RTEL1: variants seen among roughly 807,000 people sequenced by gnomAD.
The protein encoded by RTEL1 is regulator of telomere length.
RTEL1 carries 86 observed loss-of-function variants against 162.2 expected under a neutral mutation model. That is an observed-to-expected ratio of 0.53 (90% CI 0.45 to 0.63). RTEL1 has a LOEUF of 0.63. Ranked by LOEUF, RTEL1 falls within the 30% of genes least tolerant of loss-of-function variation. The probability of loss-of-function intolerance (pLI) is 0.00; values close to 1 mark genes in which losing one functional copy is unlikely to be tolerated. For synonymous variants in RTEL1, 958 were observed against 717.9 expected (o/e 1.33, Z -5.35); for missense variants, 1,941 against 1,750.2 (o/e 1.11, Z -1.95).
At chr20:63,675,806 A>G (rs954391076) in intron 10 of RTEL1, among the ~76,000 whole-genome samples, 2 of 152,010 alleles carry the variant, frequency 1.3e-5, no homozygotes, top group South Asian at 2.1e-4. Context: ...GCCTCTTTCC[A>G]TCCTTCGCTT....
At chr20:63,663,109 G>A in intron 6 of RTEL1, 1 of 601,736 alleles carries the variant, frequency 1.7e-6, no homozygotes, top group Non-Finnish European at 3.0e-6. Flanking sequence ...GACTGCCTCT[G>A]GCTGGTGCCT....
chr20:63,671,612 G>A, intron 8 of RTEL1, among the ~76,000 whole-genome samples: 1 of 151,298 alleles, frequency 6.6e-6, no homozygotes, highest in Non-Finnish European at 1.5e-5. Flanking sequence ...CTCCCGAGTA[G>A]CTGGGACTAC....
chr20:63,690,532 C>G (rs1002092916), intron 26 of RTEL1, 91 bp downstream of exon 26: 5 of 1,410,982 alleles, frequency 3.5e-6, no homozygotes, highest in Admixed American at 5.5e-5. Flanking sequence ...GCGGAGGCGA[C>G]TCACCTGGCT....
In RTEL1 at chr20:63,659,225, T is replaced by C; in HGVS notation, c.-170-8T>C. Reference sequence around the variant, plus strand: ...TGTCTACAAACAGAGTCTTACTGTCTTTCCCAGGTCTGTGCCATAGGGATT... The same window carrying C: ...TGTCTACAAACAGAGTCTTACTGTCCTTCCCAGGTCTGTGCCATAGGGATT... On this transcript the variant is annotated splice_region_variant and splice_polypyrimidine_tract_variant and intron_variant, in intron 1 of 34. Coordinates refer to ENST00000360203, the MANE Select transcript of RTEL1 (RefSeq NM_001283009.2). The C allele has an allele frequency of 1.6e-6, 1 of 620,812 alleles. No individual in the cohort carries two copies. Among genetic ancestry groups the C allele is most frequent in the Non-Finnish European group, 2.9e-6 (1 of 339,500 alleles). 38.5% of individuals were successfully genotyped at this position (620,812 alleles called of 1,614,324 possible).
At chr20:63,675,480 G>A (rs1442570099) in intron 10 of RTEL1, among the ~76,000 whole-genome samples, 1 of 149,428 alleles carries the variant, frequency 6.7e-6, no homozygotes, top group Non-Finnish European at 1.5e-5. Flanking sequence ...AAGTTATCAG[G>A]TGTTCTGGCT....
chr20:63,678,436 G>A, intron 12 of RTEL1, 90 bp downstream of exon 12: 1 of 1,222,568 alleles, frequency 8.2e-7, no homozygotes, highest in Non-Finnish European at 1.1e-6. Context: ...CACATCACGA[G>A]TGAGGCCTGT....
At chr20:63,675,990 T>C (rs2090341860) in intron 10 of RTEL1, among the ~76,000 whole-genome samples, 2 of 152,226 alleles carry the variant, frequency 1.3e-5, no homozygotes, top group Non-Finnish European at 2.9e-5. Context: ...GGCTTTTTGT[T>C]GTAACTAGTG....
chr20:63,688,639 C>T (rs1259347945), intron 21 of RTEL1, 34 bp downstream of exon 21: 1 of 1,570,080 alleles, frequency 6.4e-7, no homozygotes, highest in African/African-American at 1.3e-5. Context: ...GGCCTGCTGC[C>T]CCCTCGTGCC....
In RTEL1 at chr20:63,689,046, TCCTTCCAGA is replaced by T; in HGVS notation, c.1801-6_1803del. On this transcript the variant is annotated splice_acceptor_variant and splice_polypyrimidine_tract_variant and coding_sequence_variant and intron_variant, in exon 22 of 35. Transcript: ENST00000360203. LOFTEE classifies it high-confidence loss of function. ...GCTCCAGGCTCAGCCTCACCAACTTTCCTTCCAGACCATCAGTGCTTACTATGCAAGGGT... is the reference window on the plus strand; with the variant it reads ...GCTCCAGGCTCAGCCTCACCAACTTTCCATCAGTGCTTACTATGCAAGGGT... 1 of 1,609,938 alleles carries T rather than the reference TCCTTCCAGA, an allele frequency of 6.2e-7. No individual in the cohort carries two copies. Among genetic ancestry groups the T allele is most frequent in the African/African-American group, 1.3e-5 (1 of 74,936 alleles).
intron 19 of RTEL1, 27 bp downstream of exon 19, chr20:63,688,206 G>A (rs1312613125): frequency 1.2e-6 from 2 of 1,610,948 alleles, no homozygotes; most frequent in African/African-American, 1.3e-5. Flanking sequence ...CCCCAGCTGT[G>A]CCCATCCTGG....
chr20:63,685,454 G>T, intron 14 of RTEL1, 69 bp from the exon 15 acceptor site: 2 of 1,504,282 alleles, frequency 1.3e-6, no homozygotes, highest in Admixed American at 3.8e-5. Flanking sequence ...TTCTGTGTAT[G>T]CGGCTGATGC....
At position 63,674,923 on chromosome 20, in the gene RTEL1, T is replaced by C. The variant is rs1273127698; in HGVS notation, c.919+830T>C. ...TATATTTTCTTTCTTTTTTTTTTTT[T>C]TGAGATGGAGTTTCACTTTTGTTGC... On this transcript the variant is annotated intron_variant, in intron 10 of 34. Transcript: ENST00000360203. Among the ~76,000 whole-genome samples, 5 of 152,078 alleles carry C rather than the reference T, an allele frequency of 3.3e-5. No homozygotes were observed. The South Asian group carries it at 6.2e-4, about 19-fold the overall frequency.
chr20:63,695,957 T>G lies in RTEL1; in HGVS notation c.*99T>G. On this transcript the variant is annotated 3_prime_UTR_variant, in exon 35 of 35. Coordinates refer to ENST00000360203, the MANE Select transcript of RTEL1 (RefSeq NM_001283009.2). ...CCACCCAACAGAATAGGCCAGCCCA[T>G]GCCAGCCGGCTTGGCCCGCTGCAGG... The G allele has an allele frequency of 8.0e-7, 1 of 1,254,376 alleles. No individual in the cohort carries two copies. The highest frequency in any genetic ancestry group is 1.1e-6 in the Non-Finnish European group (1 of 907,498). 77.7% of individuals were successfully genotyped at this position (1,254,376 alleles called of 1,614,324 possible). A position where few individuals can be genotyped will look rare whatever the true frequency, so the allele number is the denominator to read the frequency against.
At chr20:63,684,536 G>A (rs1242396114) in intron 14 of RTEL1, among the ~76,000 whole-genome samples, 2 of 151,912 alleles carry the variant, frequency 1.3e-5, no homozygotes, top group Non-Finnish European at 2.9e-5. Context: ...TGTATTTTTA[G>A]TAGAGACGAG....
chr20:63,673,399 A>C (rs1003958852), intron 9 of RTEL1, among the ~76,000 whole-genome samples: 10 of 152,152 alleles, frequency 6.6e-5, no homozygotes, highest in African/African-American at 9.7e-5. Flanking sequence ...TCTCAAAAAA[A>C]ATAAAATCAA....
chr20:63,689,329 G>C (rs1043637650), intron 22 of RTEL1, among the ~76,000 whole-genome samples, 173 bp from the exon 23 acceptor site: 3 of 152,200 alleles, frequency 2.0e-5, no homozygotes, highest in African/African-American at 7.2e-5. Context: ...GGCCACAAGA[G>C]TTGGAGGTGG....
intron 9 of RTEL1, among the ~76,000 whole-genome samples, chr20:63,673,370 G>A (rs1045741979): frequency 6.6e-6 from 1 of 152,102 alleles, no homozygotes; most frequent in Non-Finnish European, 1.5e-5. Flanking sequence ...CTCCAGCCTG[G>A]TGACAGAGCA....
chr20:63,661,285 G>A lies in RTEL1; in HGVS notation c.103-13G>A, dbSNP rs183862736. The A allele has an allele frequency of 1.9e-5, 31 of 1,610,458 alleles. No individual in the cohort carries two copies. The highest frequency in any genetic ancestry group is 4.4e-4 in the Middle Eastern group (2 of 4,506). ...CTGGCTTCCCCGTAACCCTTGCTCCGAACTCCGTTCAGAAGGTGAATGGCA... is the reference window on the plus strand; with the variant it reads ...CTGGCTTCCCCGTAACCCTTGCTCCAAACTCCGTTCAGAAGGTGAATGGCA... On this transcript the variant is annotated splice_polypyrimidine_tract_variant and intron_variant, in intron 2 of 34. Coordinates refer to ENST00000360203, the MANE Select transcript of RTEL1 (RefSeq NM_001283009.2). This position sits in a 1 kb window ranked among gnomAD's most constrained non-coding sequence, Gnocchi z 5.1.
rs774126648 is a variant in RTEL1, at chr20:63,667,534, A to G, written c.680A>G (p.Asn227Ser). Residue 227 changes from asparagine (N) to serine (S), a missense_variant, in exon 8 of 35, where the codon AAT (asparagine) becomes AGT (serine). Physicochemically the swap from Asn to Ser is conservative, Grantham distance 46 (BLOSUM62 1). Coordinates refer to ENST00000360203, the MANE Select transcript of RTEL1 (RefSeq NM_001283009.2). The part of the protein sequence containing the change: ...QQADIIFMPY[N>S]YLLDAKSRRA... ...GCCGACATCATATTCATGCCGTACA[A>G]TTACTTGTTGGATGCCAAGGTGGGG... 1.1e-5 allele frequency: 17 copies of G among 1,613,888 alleles called. No individual in the cohort carries two copies. In the Admixed American group the frequency reaches 1.2e-4, roughly 11 times the overall value.
Sources: gnomAD v4.1 joint callset for allele counts (sites outside exome capture counted in the v4.1 genomes callset) on GRCh38, gnomAD v4.1.1 for gene constraint, Gnocchi (gnomAD v3.1) non-coding constraint, MANE v1.5 for transcripts, NCBI Gene and HGNC (gene_info 2026-07-23, HGNC 2026-07-21) for gene names.